SYNJ1: variants seen among roughly 807,000 people sequenced by gnomAD.
The protein encoded by SYNJ1 is polyphosphatidylinositol phosphatase SYNJ1.
In SYNJ1, 78 loss-of-function variants were observed where a neutral mutation model predicts 168.2. The observed-to-expected ratio is 0.46, with a 90% CI of 0.39 to 0.56. SYNJ1 has a LOEUF of 0.56. SYNJ1 is among the 20% of genes least tolerant of loss of function. The pLI is 0.00. For missense variants in SYNJ1, 1,303 were observed against 1,597.6 expected, an observed-to-expected ratio of 0.82 and a Z score of 3.14; for synonymous variants, 539 against 548.6, an observed-to-expected ratio of 0.98 and a Z score of 0.24.
In SYNJ1 at chr21:32,633,979, T is replaced by G. The variant is rs556977524; in HGVS notation, c.*3+882A>C. Among the ~76,000 whole-genome samples the G allele has an allele frequency of 3.3e-5, 5 of 152,288 alleles. No homozygotes were observed. The East Asian group carries it at 9.6e-4, about 29-fold the overall frequency. On this transcript the variant is annotated intron_variant, in intron 32 of 32. Coordinates refer to ENST00000674351, the MANE Select transcript of SYNJ1 (RefSeq NM_203446.3). ...TATATAGATATTATAAAATTAACTC[T>G]ATATTACCAAAAATCTCTGGACTAT...
intron 2 of SYNJ1, among the ~76,000 whole-genome samples, chr21:32,709,869 G>T (rs980687131): frequency 6.6e-5 from 10 of 152,008 alleles, no homozygotes; most frequent in Middle Eastern, 3.4e-3. Context: ...AAAGAGTATT[G>T]ACAGAATTCT....
chr21:32,695,330 A>G (rs749387576), intron 4 of SYNJ1, 48 bp from the exon 5 acceptor site: 11 of 1,520,164 alleles, frequency 7.2e-6, no homozygotes, highest in African/African-American at 1.4e-5. Context: ...ACTAAGTAAC[A>G]AAGTATGACT....
Position 32,681,481 on chromosome 21 carries a change from T to G in SYNJ1, c.1353+15A>C, listed in dbSNP as rs372526476. 6.3e-7 allele frequency: 1 copy of G among 1,593,984 alleles called. No individual in the cohort carries two copies. Among genetic ancestry groups the G allele is most frequent in the African/African-American group, 1.3e-5 (1 of 74,302 alleles). On this transcript the variant is annotated intron_variant, in intron 11 of 32. Coordinates refer to ENST00000674351, the MANE Select transcript of SYNJ1 (RefSeq NM_203446.3). ...AAGAGGATATTCTGTAATGTTATGA[T>G]AGATCTAGATATACCTTCGCTTTCC...
chr21:32,681,626 G>A lies in SYNJ1; in HGVS notation c.1223C>T (p.Ala408Val). The A allele has an allele frequency of 6.2e-7, 1 of 1,613,140 alleles. No individual in the cohort carries two copies. The highest frequency in any genetic ancestry group is 8.5e-7 in the Non-Finnish European group (1 of 1,179,572). The part of the protein sequence containing the change: ...GLEMLAKQLE[A>V]LGLAEKPQLV... ...CTGAGGCTTTTCAGCTAAACCAAGA[G>A]CTTCCAACTGTTTAGCTAGCATCTT... The change falls in exon 11 of 33, where the codon GCT (alanine) becomes GTT (valine). Residue 408 changes from alanine (A) to valine (V), a missense_variant. Ala to Val is a moderately conservative substitution (Grantham distance 64). Transcript: ENST00000674351.
At chr21:32,672,342 T>C (rs1470299554) in intron 14 of SYNJ1, among the ~76,000 whole-genome samples, 2 of 151,878 alleles carry the variant, frequency 1.3e-5, no homozygotes, top group Admixed American at 6.6e-5. Context: ...CTTTCTTTTT[T>C]TTTGTTTTTT....
chr21:32,703,536 C>T (rs1486479641), intron 2 of SYNJ1, among the ~76,000 whole-genome samples: 1 of 152,102 alleles, frequency 6.6e-6, no homozygotes. Context: ...TTATACCTCT[C>T]AGGACAGAAG....
intron 31 of SYNJ1, among the ~76,000 whole-genome samples, chr21:32,637,597 A>G (rs1967923): frequency 0.47 from 70,824 of 151,636 alleles, 16,717 homozygotes; most frequent in African/African-American, 0.52. Context: ...TTACAAAACA[A>G]AAGAGACAGG....
At chr21:32,722,239 G>A (rs1385383746) in intron 2 of SYNJ1, among the ~76,000 whole-genome samples, 1 of 140,592 alleles carries the variant, frequency 7.1e-6, no homozygotes, top group Non-Finnish European at 1.5e-5. Context: ...TATAATGTAT[G>A]CATGTATGTA....
chr21:32,646,319 T>C lies in SYNJ1; in HGVS notation c.3247+74A>G, dbSNP rs577984488. ...GCACTTTATCACCTAGGTATGAAAC[T>C]TAAACGATGACTCTCCAACATCAAG... On this transcript the variant is annotated intron_variant, in intron 24 of 32. Coordinates refer to ENST00000674351, the MANE Select transcript of SYNJ1 (RefSeq NM_203446.3). 8.1e-6 allele frequency: 12 copies of C among 1,474,464 alleles called. No homozygotes were observed. In the African/African-American group the frequency reaches 1.7e-4, roughly 21 times the overall value. 91.3% of individuals were successfully genotyped at this position (1,474,464 alleles called of 1,614,324 possible). A position where few individuals can be genotyped will look rare whatever the true frequency, so the allele number is the denominator to read the frequency against.
chr21:32,725,485 T>A (rs140008196), intron 2 of SYNJ1, among the ~76,000 whole-genome samples: 1 of 152,220 alleles, frequency 6.6e-6, no homozygotes, highest in African/African-American at 2.4e-5. Context: ...GAGCCCCTTC[T>A]CCTTCATTCA....
At chr21:32,657,917 A>T in intron 18 of SYNJ1, 45 bp from the exon 19 acceptor site, 1 of 1,496,210 alleles carries the variant, frequency 6.7e-7, no homozygotes, top group Non-Finnish European at 9.2e-7. Context: ...AACAGCAACA[A>T]GTTCTGTTTT....
At chr21:32,670,916 A>G (rs185481955) in intron 14 of SYNJ1, 330 of 669,228 alleles carry the variant, frequency 4.9e-4, no homozygotes, top group African/African-American at 4.8e-3. Context: ...GGCACTCTGG[A>G]AACTACAAGG....
chr21:32,657,930 T>C lies in SYNJ1; in HGVS notation c.2305-58A>G, dbSNP rs1414243906. ...CAAACAGCAACAAGTTCTGTTTTCA[T>C]TCAGACAGTCATCCATTAAATGTCT... On this transcript the variant is annotated intron_variant, in intron 18 of 32. Transcript: ENST00000674351. 1.2e-5 allele frequency: 17 copies of C among 1,395,162 alleles called. No individual in the cohort carries two copies. The East Asian group carries it at 3.7e-4, about 31-fold the overall frequency. 86.4% of individuals were successfully genotyped at this position (1,395,162 alleles called of 1,614,324 possible).
chr21:32,630,739 T>A lies in SYNJ1; in HGVS notation c.*1066A>T, dbSNP rs2039285926. The A allele has an allele frequency of 3.1e-6, 1 of 324,572 alleles. No individual in the cohort carries two copies. Among genetic ancestry groups the A allele is most frequent in the Non-Finnish European group, 5.7e-6 (1 of 176,500 alleles). 20.1% of individuals were successfully genotyped at this position (324,572 alleles called of 1,614,324 possible). On this transcript the variant is annotated 3_prime_UTR_variant, in exon 33 of 33. Transcript: ENST00000674351. The stretch of plus-strand genomic sequence containing the variant: ...TGAATAAGGACTGTTTTCTAAAGTA[T>A]AAGTACTTTTTATGGCTACTACTGT...
rs1225677302 is a variant in SYNJ1 at position 32,700,022 on chromosome 21, T to C, written c.295A>G (p.Thr99Ala). ...CGCAGTGATATAAACTCAGTGGAAG[T>C]AACTCGGAAAACTTCAGATTCTTGA... ...KIQESEVFRVTSTEFISLRID... is the reference protein window; with the variant it reads ...KIQESEVFRVASTEFISLRID... Residue 99 changes from threonine (T) to alanine (A), a missense_variant, in exon 4 of 33, where the codon ACT (threonine) becomes GCT (alanine). Thr to Ala is a moderately conservative substitution (Grantham distance 58, BLOSUM62 0). This residue lies in a region of SYNJ1 where 920 missense variants were observed against 1,208.8 expected (regional missense o/e 0.76). Transcript: ENST00000674351. The C allele has an allele frequency of 3.7e-6, 6 of 1,614,162 alleles. No individual in the cohort carries two copies. The highest frequency in any genetic ancestry group is 1.1e-5 in the South Asian group (1 of 91,084).
Position 32,726,933 on chromosome 21 carries a change from A to G in SYNJ1, c.-22-16T>C. The G allele has an allele frequency of 1.2e-6, 2 of 1,612,246 alleles. No individual in the cohort carries two copies. The highest frequency in any genetic ancestry group is 1.7e-6 in the Non-Finnish European group (2 of 1,178,976). ...GGAGGCAGCCCTGCGAAAACCAAGC[A>G]AAGCAAAGCAAATGAAGCTGATGTT... On this transcript the variant is annotated splice_polypyrimidine_tract_variant and intron_variant, in intron 1 of 32. Transcript: ENST00000674351.
At chr21:32,660,142 G>A (rs2040630350) in intron 18 of SYNJ1, among the ~76,000 whole-genome samples, 1 of 152,242 alleles carries the variant, frequency 6.6e-6, no homozygotes, top group Non-Finnish European at 1.5e-5. Flanking sequence ...AACCCAGACT[G>A]TGCGGCTCTG....
intron 6 of SYNJ1, among the ~76,000 whole-genome samples, chr21:32,693,348 T>C (rs1372426589): frequency 1.3e-5 from 2 of 152,212 alleles, no homozygotes; most frequent in African/African-American, 4.8e-5. Flanking sequence ...TCAAATCGTC[T>C]TGACAAGAAT....
At chr21:32,643,364 G>A in intron 27 of SYNJ1, 46 bp downstream of exon 27, 1 of 1,604,868 alleles carries the variant, frequency 6.2e-7, no homozygotes, top group Non-Finnish European at 8.5e-7. Context: ...CTGACACTGA[G>A]AAATAAAATG....
Sources: allele counts gnomAD v4.1 joint callset (sites outside exome capture counted in the v4.1 genomes callset), GRCh38; gene constraint gnomAD v4.1.1; regional missense constraint gnomAD v4.1.1; transcripts MANE v1.5; gene names NCBI Gene and HGNC (gene_info 2026-07-23, HGNC 2026-07-21).